The following DPP10 variants were observed in gnomAD, a reference collection of about 807,000 sequenced individuals.
DPP10 encodes the protein dipeptidyl peptidase like 10, also known as inactive dipeptidyl peptidase 10.
Under a neutral mutation model 120.9 loss-of-function variants are expected in DPP10, and 33 were observed. The ratio of observed to expected loss-of-function variants is 0.27; its 90% CI spans 0.21 to 0.37. The LOEUF is 0.37. Ranked by LOEUF, DPP10 falls within the 10% of genes least tolerant of loss-of-function variation. The probability of loss-of-function intolerance (pLI) is 1.00; values close to 1 mark genes in which losing one functional copy is unlikely to be tolerated. For missense variants in DPP10, 816 were observed against 942.8 expected (o/e 0.87, Z 1.76); for synonymous variants, 337 against 326.1 (o/e 1.03, Z -0.36).
At chr2:115,056,932 T>C (rs1705967872) in intron 1 of DPP10, among the ~76,000 whole-genome samples, 1 of 152,362 alleles carries the variant, frequency 6.6e-6, no homozygotes, top group African/African-American at 2.4e-5. Flanking sequence ...ACTATGGCAT[T>C]AACCAGTATG....
In DPP10 at chr2:115,307,992, A is replaced by G. The variant is rs148828310; in HGVS notation, c.61-1247A>G. 5.6e-3 allele frequency among the ~76,000 whole-genome samples: 846 copies of G among 152,270 alleles called. 8 individuals carry two copies. Among genetic ancestry groups the G allele is most frequent in the Middle Eastern group, 0.034 (10 of 294 alleles). On this transcript the variant is annotated intron_variant, in intron 1 of 25. Coordinates refer to ENST00000410059, the MANE Select transcript of DPP10 (RefSeq NM_020868.6). ...TGATCTCTCCTGGATTTGGTTTATCAGAATGAAAGACTAACTTAGAGCGAT... is the reference window on the plus strand; with the variant it reads ...TGATCTCTCCTGGATTTGGTTTATCGGAATGAAAGACTAACTTAGAGCGAT...
intron 1 of DPP10, among the ~76,000 whole-genome samples, chr2:114,851,348 G>T (rs1688932706): frequency 6.6e-6 from 1 of 152,080 alleles, no homozygotes; most frequent in African/African-American, 2.4e-5. Context: ...CAACTAAGAT[G>T]CACTGAATAT....
At chr2:115,766,326 G>GTA (rs1553502949) in intron 12 of DPP10, among the ~76,000 whole-genome samples, 1,594 of 49,922 alleles carry the variant, frequency 0.032, 33 homozygotes, top group East Asian at 0.056. Context: ...ATATATATAT[G>GTA]TATATATATA....
chr2:114,979,869 G>C (rs934124472), intron 1 of DPP10, among the ~76,000 whole-genome samples: 1 of 151,920 alleles, frequency 6.6e-6, no homozygotes, highest in Admixed American at 6.6e-5. Flanking sequence ...ATATACATGG[G>C]CCACAATCAA....
chr2:114,938,714 A>G (rs1696668786), intron 1 of DPP10, among the ~76,000 whole-genome samples: 1 of 140,306 alleles, frequency 7.1e-6, no homozygotes, highest in African/African-American at 2.6e-5. Flanking sequence ...CAAATTGCCC[A>G]TTTACACTTT....
At chr2:115,200,097 G>A (rs941370336) in intron 1 of DPP10, among the ~76,000 whole-genome samples, 1 of 152,172 alleles carries the variant, frequency 6.6e-6, no homozygotes, top group African/African-American at 2.4e-5. Context: ...GAGAAGCAGA[G>A]TGCTTTTTGT....
At chr2:115,770,138 T>G (rs997268724) in intron 13 of DPP10, among the ~76,000 whole-genome samples, 2 of 152,036 alleles carry the variant, frequency 1.3e-5, no homozygotes, top group Non-Finnish European at 2.9e-5. Context: ...CTACCTATAT[T>G]TTTGTATCCA....
chr2:115,318,850 A>G (rs551073771), intron 2 of DPP10, among the ~76,000 whole-genome samples: 72 of 152,274 alleles, frequency 4.7e-4, no homozygotes, highest in African/African-American at 1.7e-3. Context: ...GGATCATGTC[A>G]TGTGTGAACA....
intron 1 of DPP10, among the ~76,000 whole-genome samples, chr2:114,671,269 G>A (rs914023478): frequency 2.6e-5 from 4 of 152,120 alleles, no homozygotes; most frequent in East Asian, 1.9e-4. Flanking sequence ...AAGTTTGCAC[G>A]ATGTCTAAAT....
At chr2:114,572,458 T>A (rs1689730795) in intron 1 of DPP10, among the ~76,000 whole-genome samples, 2 of 152,166 alleles carry the variant, frequency 1.3e-5, no homozygotes, top group Non-Finnish European at 1.5e-5. Flanking sequence ...TTCCTCAAAA[T>A]CTCAGAGTTG....
rs538192291 is a variant in DPP10, at chr2:115,369,756, A to C, written c.271+25844A>C. Among the ~76,000 whole-genome samples the C allele has an allele frequency of 6.6e-5, 10 of 152,236 alleles. No individual in the cohort carries two copies. The South Asian group carries it at 1.9e-3, about 28-fold the overall frequency. ...AGAGACATTCCAGATTGAGGCAACA[A>C]TAGTCTTCACAGTACAGATGTGGCC... is the stretch of plus-strand genomic sequence containing the variant. On this transcript the variant is annotated intron_variant, in intron 3 of 25. Coordinates refer to ENST00000410059, the MANE Select transcript of DPP10 (RefSeq NM_020868.6).
chr2:115,360,990 G>GT (rs148195971), intron 3 of DPP10, among the ~76,000 whole-genome samples: 1,780 of 152,246 alleles, frequency 0.012, 33 homozygotes, highest in African/African-American at 0.041. Context: ...TCTCCTTCCA[G>GT]TGTCTGTCCC....
chr2:114,690,645 A>C (rs1385278083), intron 1 of DPP10, among the ~76,000 whole-genome samples: 1 of 151,966 alleles, frequency 6.6e-6, no homozygotes, highest in African/African-American at 2.4e-5. Context: ...TTAATGGGAA[A>C]AGCATTAAAT....
chr2:115,226,129 CATT>C (rs2057423355), intron 1 of DPP10, among the ~76,000 whole-genome samples: 1 of 152,120 alleles, frequency 6.6e-6, no homozygotes, highest in Non-Finnish European at 1.5e-5. Context: ...ATGCTGTTCT[CATT>C]AGTCTGGATT....
chr2:115,731,601 G>A (rs2092911910), intron 8 of DPP10, among the ~76,000 whole-genome samples: 1 of 152,190 alleles, frequency 6.6e-6, no homozygotes, highest in Admixed American at 6.5e-5. Context: ...GAGCTAATGA[G>A]TGGGAGAGCC....
rs921893299 is a variant in DPP10, at chr2:114,912,252, G to A, written c.61-396987G>A. Among the ~76,000 whole-genome samples the A allele has an allele frequency of 2.0e-5, 3 of 152,012 alleles. No homozygotes were observed. The South Asian group carries it at 6.2e-4, about 32-fold the overall frequency. ...TAAACATTTTCTCTCCATTTCTCAGGGGAGGAGTGAGGACAACTTTCCCTC... is the reference window on the plus strand; with the variant it reads ...TAAACATTTTCTCTCCATTTCTCAGAGGAGGAGTGAGGACAACTTTCCCTC... On this transcript the variant is annotated intron_variant, in intron 1 of 25. Transcript: ENST00000410059.
intron 1 of DPP10, among the ~76,000 whole-genome samples, chr2:114,762,568 A>G (rs1230355676): frequency 6.6e-6 from 1 of 152,246 alleles, no homozygotes; most frequent in Non-Finnish European, 1.5e-5. Context: ...AACACAGAAA[A>G]TGATAAACAA....
At chr2:114,895,850 G>C (rs1269089710) in intron 1 of DPP10, among the ~76,000 whole-genome samples, 1 of 151,984 alleles carries the variant, frequency 6.6e-6, no homozygotes, top group African/African-American at 2.4e-5. Flanking sequence ...TCTTTTCTTT[G>C]CTGTAAAACT....
intron 1 of DPP10, among the ~76,000 whole-genome samples, chr2:114,489,451 T>TA (rs1270078445): frequency 2.0e-5 from 3 of 152,096 alleles, no homozygotes; most frequent in Non-Finnish European, 4.4e-5. Flanking sequence ...TGATTCTTAA[T>TA]AAAAAAATAC....
Sources: allele counts gnomAD v4.1 joint callset (sites outside exome capture counted in the v4.1 genomes callset), GRCh38; gene constraint gnomAD v4.1.1; transcripts MANE v1.5; gene names NCBI Gene and HGNC (gene_info 2026-07-23, HGNC 2026-07-21).